The following TCF20 variants were observed in gnomAD, a reference collection of about 807,000 sequenced individuals.
TCF20 encodes transcription factor 20.
In TCF20, 3 loss-of-function variants were observed where a neutral mutation model predicts 148.6. That is an observed-to-expected ratio of 0.02 (90% CI 0.01 to 0.05). TCF20 has a LOEUF of 0.05. Among genes scored for constraint, TCF20 ranks in the 10% least tolerant of loss-of-function variants. The pLI is 1.00. For missense variants in TCF20, 2,350 were observed against 2,429.3 expected (o/e 0.97, Z 0.69); for synonymous variants, 1,049 against 909.5 (o/e 1.15, Z -2.76).
rs748271593 is a variant in TCF20 at position 42,213,015 on chromosome 22, G to GGGT, written c.2288_2290dup (p.His763dup). The stretch of plus-strand genomic sequence containing the variant: ...AGTACTCCTAGAATATCTCCTGTCA[G>GGGT]GGTGGTGGTGGTAACCCTGAAGCAC... On this transcript the variant is annotated inframe_insertion, in exon 2 of 6. Transcript: ENST00000677622. The GGGT allele has an allele frequency of 1.9e-6, 3 of 1,613,994 alleles. No individual in the cohort carries two copies. The highest frequency in any genetic ancestry group is 4.5e-5 in the East Asian group (2 of 44,894).
At chr22:42,193,182 G>C (rs1937424356) in intron 2 of TCF20, among the ~76,000 whole-genome samples, 1 of 151,670 alleles carries the variant, frequency 6.6e-6, no homozygotes, top group Admixed American at 6.6e-5. Context: ...AAAAGAAAAG[G>C]AAACTCCAAG....
chr22:42,199,707 A>C (rs994412164), intron 2 of TCF20, among the ~76,000 whole-genome samples: 1 of 45,688 alleles, frequency 2.2e-5, no homozygotes, highest in Non-Finnish European at 4.0e-5. Context: ...CCATCTCTAC[A>C]AAAAAAAAAA....
chr22:42,305,908 C>T (rs889563156), intron 1 of TCF20, among the ~76,000 whole-genome samples: 9 of 152,154 alleles, frequency 5.9e-5, no homozygotes, highest in South Asian at 2.1e-4. Flanking sequence ...CACTGGCAGC[C>T]GTGGAGGGCA....
At chr22:42,336,685 C>G (rs894917690) in intron 1 of TCF20, among the ~76,000 whole-genome samples, 3 of 152,200 alleles carry the variant, frequency 2.0e-5, no homozygotes, top group African/African-American at 7.2e-5. Context: ...ACCTATCCAC[C>G]ATACTCCAGC....
At chr22:42,172,070 T>C (rs1172213307) in intron 3 of TCF20, among the ~76,000 whole-genome samples, 3 of 152,208 alleles carry the variant, frequency 2.0e-5, no homozygotes, top group Admixed American at 6.5e-5. Flanking sequence ...TAATGCCAGA[T>C]ACATCTGGAA....
chr22:42,195,363 A>G (rs1258277651), intron 2 of TCF20, among the ~76,000 whole-genome samples: 2 of 151,576 alleles, frequency 1.3e-5, no homozygotes, highest in Non-Finnish European at 2.9e-5. Flanking sequence ...ATCTCTCATC[A>G]TTTTTTTCCC....
At chr22:42,316,014 A>G (rs1181203830) in intron 1 of TCF20, among the ~76,000 whole-genome samples, 1 of 149,324 alleles carries the variant, frequency 6.7e-6, no homozygotes, top group African/African-American at 2.5e-5. Flanking sequence ...ACTCGTTGTC[A>G]GGAGAATCGC....
rs1921135786 is a variant in TCF20 at position 42,212,763 on chromosome 22, T to G, written c.2543A>C (p.Glu848Ala). The stretch of plus-strand genomic sequence containing the variant: ...AGGCTCATGTGCTGATGACTGAGGC[T>G]CTATTTCAAACTTTCTGGGAATTGG... ...DYPIPRKFEI[E>A]PQSSAHEPGG... Residue 848 changes from glutamate to alanine, a missense_variant, in exon 2 of 6, where the codon GAG becomes GCG. Physicochemically the swap from Glu to Ala is moderately radical, Grantham distance 107 (BLOSUM62 -1). Transcript: ENST00000677622. The G allele has an allele frequency of 6.2e-7, 1 of 1,614,120 alleles. No homozygotes were observed. Among genetic ancestry groups the G allele is most frequent in the Non-Finnish European group, 8.5e-7 (1 of 1,180,056 alleles).
intron 1 of TCF20, among the ~76,000 whole-genome samples, chr22:42,325,060 C>G (rs75296967): frequency 1.3e-5 from 2 of 152,254 alleles, no homozygotes; most frequent in African/African-American, 4.8e-5. Flanking sequence ...CTCAGGAAAC[C>G]GCATGGGCGG....
chr22:42,260,797 T>C (rs1243210776), intron 1 of TCF20, among the ~76,000 whole-genome samples: 1 of 152,174 alleles, frequency 6.6e-6, no homozygotes, highest in Admixed American at 6.5e-5. Flanking sequence ...ACTTATGTTT[T>C]GAATATAACG....
chr22:42,163,563 C>T (rs1387419877), intron 5 of TCF20, among the ~76,000 whole-genome samples: 2 of 152,230 alleles, frequency 1.3e-5, no homozygotes, highest in Non-Finnish European at 1.5e-5. Context: ...ATCTGCCTGA[C>T]CCCCATCTTC....
At chr22:42,303,867 G>C (rs913437854) in intron 1 of TCF20, among the ~76,000 whole-genome samples, 1 of 151,744 alleles carries the variant, frequency 6.6e-6, no homozygotes, top group Non-Finnish European at 1.5e-5. Flanking sequence ...AATGTGGAGA[G>C]GAGGGGAGCG....
Position 42,212,824 on chromosome 22 carries a change from C to T in TCF20, c.2482G>A (p.Ala828Thr). Reference sequence around the variant, plus strand: ...AAATTGATCTGTTTCATTTCAGGAGCTGTGCTGCTTGATTTCCTTTCCCAG... The same window carrying T: ...AAATTGATCTGTTTCATTTCAGGAGTTGTGCTGCTTGATTTCCTTTCCCAG... ...GPWERKSSST[A>T]PEMKQINLTD... The change falls in exon 2 of 6, where the codon GCT becomes ACT. Residue 828 changes from alanine to threonine, a missense_variant. Ala to Thr is a moderately conservative substitution (Grantham distance 58). This residue lies in a region of TCF20 where 1,641 missense variants were observed against 1,662.6 expected (regional missense o/e 0.99). Coordinates refer to ENST00000677622, the MANE Select transcript of TCF20 (RefSeq NM_001378418.1). The T allele has an allele frequency of 6.2e-7, 1 of 1,614,206 alleles. No homozygotes were observed. Among genetic ancestry groups the T allele is most frequent in the Non-Finnish European group, 8.5e-7 (1 of 1,180,030 alleles).
intron 1 of TCF20, among the ~76,000 whole-genome samples, chr22:42,330,024 C>A (rs1927944848): frequency 6.6e-6 from 1 of 152,212 alleles, no homozygotes; most frequent in Admixed American, 6.5e-5. Flanking sequence ...TTCCCTTGGC[C>A]TCCTCCATCA....
intron 1 of TCF20, among the ~76,000 whole-genome samples, chr22:42,300,176 G>T (rs1037455857): frequency 6.6e-6 from 1 of 152,080 alleles, no homozygotes. Context: ...CTCAAGGCAG[G>T]GTAAGGGGAG....
chr22:42,238,048 T>C (rs2147298428), intron 1 of TCF20, among the ~76,000 whole-genome samples: 1 of 152,362 alleles, frequency 6.6e-6, no homozygotes, highest in East Asian at 1.9e-4. Context: ...AGCCAGGCAC[T>C]GACTTCTCCT....
At chr22:42,222,861 A>G (rs1922503897) in intron 1 of TCF20, among the ~76,000 whole-genome samples, 1 of 152,228 alleles carries the variant, frequency 6.6e-6, no homozygotes, top group Non-Finnish European at 1.5e-5. Context: ...CTGATATAAT[A>G]AAAATTGCTG....
chr22:42,176,970 T>C (rs1008889507), intron 3 of TCF20, among the ~76,000 whole-genome samples: 12 of 152,202 alleles, frequency 7.9e-5, no homozygotes, highest in African/African-American at 2.7e-4. Context: ...CATTATATTG[T>C]ATAGTTTCAA....
intron 3 of TCF20, among the ~76,000 whole-genome samples, chr22:42,178,759 T>C (rs2147090917): frequency 6.6e-6 from 1 of 151,934 alleles, no homozygotes; most frequent in East Asian, 1.9e-4. Flanking sequence ...TTTGTAGTTT[T>C]AGTAGAGACG....
Sources: gnomAD v4.1 joint callset for allele counts (sites outside exome capture counted in the v4.1 genomes callset) on GRCh38, gnomAD v4.1.1 for gene constraint, gnomAD v4.1.1 regional missense constraint, MANE v1.5 for transcripts, NCBI Gene and HGNC (gene_info 2026-07-23, HGNC 2026-07-21) for gene names.